PGM1: variants seen among roughly 807,000 people sequenced by gnomAD.
The protein encoded by PGM1 is phosphoglucomutase 1.
PGM1 carries 52 observed loss-of-function variants against 55.6 expected under a neutral mutation model. The ratio of observed to expected loss-of-function variants is 0.94; its 90% CI spans 0.75 to 1.18. The LOEUF (loss-of-function observed/expected upper bound fraction) is 1.18, where lower values mean the gene tolerates loss of function less well. PGM1 is among the 50% of genes most tolerant of loss of function. The pLI, the probability that PGM1 is intolerant of heterozygous loss-of-function variation, is 0.00. For missense variants in PGM1, 724 were observed against 729.3 expected (o/e 0.99, Z 0.08); for synonymous variants, 287 against 271.7 (o/e 1.06, Z -0.55).
intron 3 of PGM1, 122 bp from the exon 4 acceptor site, chr1:63,631,535 C>A (rs1649193142): frequency 1.2e-6 from 1 of 857,670 alleles, no homozygotes; most frequent in South Asian, 1.3e-5. Context: ...ATTATTGGAG[C>A]TGTTCAATAA....
At chr1:63,603,665 G>A (rs1302740821) in intron 1 of PGM1, among the ~76,000 whole-genome samples, 6 of 152,138 alleles carry the variant, frequency 3.9e-5, no homozygotes, top group South Asian at 4.1e-4. Flanking sequence ...TCTAGAGTTC[G>A]AGTGGAAGAT....
rs1647924391 is a variant in PGM1 at position 63,593,467 on chromosome 1, C to T, written c.-22C>T. The T allele has an allele frequency of 5.6e-6, 9 of 1,613,134 alleles. No homozygotes were observed. Among genetic ancestry groups the T allele is most frequent in the African/African-American group, 2.7e-5 (2 of 74,910 alleles). ...CCGCCAGCCAAGTCCGCCGCTCTGA[C>T]CCCCGGCAGCAAGTCGCCACCATGG... On this transcript the variant is annotated 5_prime_UTR_variant, in exon 1 of 11. Coordinates refer to ENST00000371084, the MANE Select transcript of PGM1 (RefSeq NM_002633.3).
At chr1:63,609,217 A>G (rs1288823945) in intron 1 of PGM1, among the ~76,000 whole-genome samples, 1 of 152,226 alleles carries the variant, frequency 6.6e-6, no homozygotes, top group African/African-American at 2.4e-5. Flanking sequence ...GTTTTGAGTC[A>G]CCAGCTAGCA....
chr1:63,600,871 GTAT>G (rs1233268719), intron 1 of PGM1, among the ~76,000 whole-genome samples: 2 of 152,114 alleles, frequency 1.3e-5, no homozygotes, highest in African/African-American at 2.4e-5. Context: ...TAGATTATAA[GTAT>G]TATTCTATTA....
intron 1 of PGM1, among the ~76,000 whole-genome samples, chr1:63,608,271 G>A (rs940272855): frequency 1.3e-5 from 2 of 152,224 alleles, no homozygotes; most frequent in Admixed American, 6.5e-5. Flanking sequence ...GCAGCCTACC[G>A]CAGTGGCCTG....
At chr1:63,636,759 A>G (rs1222592227) in intron 6 of PGM1, among the ~76,000 whole-genome samples, 1 of 152,196 alleles carries the variant, frequency 6.6e-6, no homozygotes, top group Non-Finnish European at 1.5e-5. Flanking sequence ...ACACACACAT[A>G]CACGTATAAT....
intron 1 of PGM1, chr1:63,594,132 T>G: frequency 1.0e-6 from 1 of 999,738 alleles, no homozygotes; most frequent in Non-Finnish European, 1.2e-6. Flanking sequence ...TGCTGTCGCC[T>G]TAAGCAGGAA....
intron 1 of PGM1, among the ~76,000 whole-genome samples, chr1:63,607,383 C>A (rs966185854): frequency 1.3e-5 from 2 of 152,148 alleles, no homozygotes; most frequent in African/African-American, 4.8e-5. Context: ...AAGGAGCTGC[C>A]AGTTGAATGG....
chr1:63,615,267 AT>A (rs1351990615), intron 1 of PGM1, among the ~76,000 whole-genome samples: 1 of 152,202 alleles, frequency 6.6e-6, no homozygotes, highest in Non-Finnish European at 1.5e-5. Flanking sequence ...GATAACATTT[AT>A]TGAGTGTCTA....
At chr1:63,646,624 G>C (rs1378653378) in intron 7 of PGM1, among the ~76,000 whole-genome samples, 1 of 152,164 alleles carries the variant, frequency 6.6e-6, no homozygotes, top group African/African-American at 2.4e-5. Flanking sequence ...GATTGTGCCA[G>C]CGTCCACTCC....
chr1:63,602,647 A>G (rs909900985), intron 1 of PGM1, among the ~76,000 whole-genome samples: 2 of 152,100 alleles, frequency 1.3e-5, no homozygotes, highest in African/African-American at 4.8e-5. Flanking sequence ...TGAAATGGCT[A>G]CTACATTGTG....
In PGM1 at chr1:63,595,067, T is replaced by C. The variant is rs955398290; in HGVS notation, c.246+1333T>C. ...AGTTCTGAGGACCAAGTTTTCTTTC[T>C]ATATTTTAAGTGAGATTTGACTTAT... On this transcript the variant is annotated intron_variant, in intron 1 of 10. Transcript: ENST00000371084. Among the ~76,000 whole-genome samples, 8 of 152,218 alleles carry C rather than the reference T, an allele frequency of 5.3e-5. No individual in the cohort carries two copies. In the East Asian group the frequency reaches 9.6e-4, roughly 18 times the overall value.
At chr1:63,601,851 T>C (rs2100957315) in intron 1 of PGM1, among the ~76,000 whole-genome samples, 1 of 152,284 alleles carries the variant, frequency 6.6e-6, no homozygotes, top group Non-Finnish European at 1.5e-5. Context: ...CTGAGCTGAT[T>C]CCCCAAGGCA....
chr1:63,645,613 T>A (rs1466912206), intron 7 of PGM1, among the ~76,000 whole-genome samples: 1 of 152,192 alleles, frequency 6.6e-6, no homozygotes, highest in Non-Finnish European at 1.5e-5. Flanking sequence ...CTAAAGATAG[T>A]AAAATTAGGT....
At chr1:63,613,022 A>G (rs1164956645) in intron 1 of PGM1, among the ~76,000 whole-genome samples, 1 of 152,092 alleles carries the variant, frequency 6.6e-6, no homozygotes, top group Non-Finnish European at 1.5e-5. Flanking sequence ...GCCCAACCCC[A>G]TTCCAGGTAC....
intron 1 of PGM1, among the ~76,000 whole-genome samples, chr1:63,615,547 C>CT (rs796858830): frequency 1.0e-5 from 1 of 96,108 alleles, no homozygotes; most frequent in Non-Finnish European, 2.0e-5. Context: ...TCTTCTTCTT[C>CT]TTCTTTTTTT....
chr1:63,637,956 A>G (rs1343899839), intron 6 of PGM1, among the ~76,000 whole-genome samples: 2 of 152,206 alleles, frequency 1.3e-5, no homozygotes, highest in Admixed American at 6.5e-5. Flanking sequence ...ATCTCGCTCA[A>G]ACAGTGAATG....
chr1:63,619,022 G>C (rs1648816777), intron 1 of PGM1, among the ~76,000 whole-genome samples: 1 of 152,204 alleles, frequency 6.6e-6, no homozygotes, highest in Admixed American at 6.5e-5. Context: ...GTCAGCAGCA[G>C]TTCTGTGGAT....
chr1:63,596,819 C>T (rs1481493586), intron 1 of PGM1, among the ~76,000 whole-genome samples: 1 of 152,140 alleles, frequency 6.6e-6, no homozygotes, highest in Non-Finnish European at 1.5e-5. Flanking sequence ...AGAGAGTAAG[C>T]TTCTTTAAGT....
Sources: gnomAD v4.1 joint callset for allele counts (sites outside exome capture counted in the v4.1 genomes callset) on GRCh38, gnomAD v4.1.1 for gene constraint, MANE v1.5 for transcripts, NCBI Gene and HGNC (gene_info 2026-07-23, HGNC 2026-07-21) for gene names.